The following MMP16 variants were observed in gnomAD, a reference collection of about 807,000 sequenced individuals.
MMP16 encodes matrix metalloproteinase-16.
A neutral mutation model predicts 67.8 loss-of-function variants in MMP16; 12 were observed. That is an observed-to-expected ratio of 0.18 (90% CI 0.11 to 0.29). MMP16 has a LOEUF of 0.29. Ranked by LOEUF, MMP16 falls within the 10% of genes least tolerant of loss-of-function variation. The pLI, the probability that MMP16 is intolerant of heterozygous loss-of-function variation, is 1.00. For synonymous variants in MMP16, 249 were observed against 255.9 expected (o/e 0.97, Z 0.26); for missense variants, 475 against 765.7 (o/e 0.62, Z 4.48).
chr8:88,299,231 C>A (rs922498519), intron 1 of MMP16, among the ~76,000 whole-genome samples: 2 of 152,142 alleles, frequency 1.3e-5, no homozygotes, highest in Admixed American at 1.3e-4. Flanking sequence ...ATGGCTGAAC[C>A]CTTCTGCTCA....
At chr8:88,188,309 G>A (rs573746036) in intron 2 of MMP16, among the ~76,000 whole-genome samples, 2 of 152,190 alleles carry the variant, frequency 1.3e-5, no homozygotes, top group South Asian at 4.1e-4. Flanking sequence ...TCCTAAGGTA[G>A]GTACTTATCT....
At chr8:88,122,935 C>A (rs1413750611) in intron 4 of MMP16, among the ~76,000 whole-genome samples, 2 of 151,314 alleles carry the variant, frequency 1.3e-5, no homozygotes, top group Non-Finnish European at 2.9e-5. Context: ...CCTCTACAGC[C>A]ATATGAGTTA....
chr8:88,310,827 G>T (rs758983911), intron 1 of MMP16, among the ~76,000 whole-genome samples: 1 of 152,092 alleles, frequency 6.6e-6, no homozygotes, highest in Non-Finnish European at 1.5e-5. Context: ...TTTTCTACTA[G>T]CAAGTATAAA....
chr8:88,085,103 A>G (rs1336953742), intron 6 of MMP16, among the ~76,000 whole-genome samples: 2 of 152,012 alleles, frequency 1.3e-5, no homozygotes, highest in South Asian at 2.1e-4. Context: ...ATTTCACACT[A>G]AATTTTGTTC....
At chr8:88,283,374 C>A (rs1810771909) in intron 1 of MMP16, among the ~76,000 whole-genome samples, 1 of 152,056 alleles carries the variant, frequency 6.6e-6, no homozygotes, top group Non-Finnish European at 1.5e-5. Flanking sequence ...CTGAAGCTGA[C>A]AGATGTGTAA....
At position 88,069,669 on chromosome 8, in the gene MMP16, T is replaced by C. The variant is rs142294658; in HGVS notation, c.1222+4936A>G. 367 of 347,750 alleles carry C rather than the reference T, an allele frequency of 1.1e-3. 3 individuals are homozygous for C. Among genetic ancestry groups the C allele is most frequent in the African/African-American group, 7.7e-3 (340 of 44,392 alleles). The allele number at this position is 347,750 out of a possible 1,614,324, so 21.5% of individuals were successfully genotyped here. On this transcript the variant is annotated intron_variant, in intron 7 of 9. Transcript: ENST00000286614. ...TTCTTGCAATGAGACTAATTTCATG[T>C]AAGGTGTCAACTCCTTTTAGTATCA...
intron 4 of MMP16, among the ~76,000 whole-genome samples, chr8:88,151,666 G>A (rs1160904148): frequency 1.3e-5 from 2 of 149,902 alleles, no homozygotes; most frequent in African/African-American, 4.9e-5. Flanking sequence ...TGAAACCAAC[G>A]AGAACAAAGA....
chr8:88,107,098 T>C (rs958266950), intron 6 of MMP16, among the ~76,000 whole-genome samples: 1 of 151,226 alleles, frequency 6.6e-6, no homozygotes, highest in Non-Finnish European at 1.5e-5. Context: ...TAGATTTTTT[T>C]CCCTGACTCT....
chr8:88,231,207 A>C (rs1809854338), intron 1 of MMP16, among the ~76,000 whole-genome samples: 1 of 152,204 alleles, frequency 6.6e-6, no homozygotes, highest in Non-Finnish European at 1.5e-5. Flanking sequence ...GAATCAATAA[A>C]GACCAGAAAG....
At chr8:88,110,307 G>T (rs1349374784) in intron 6 of MMP16, among the ~76,000 whole-genome samples, 2 of 151,432 alleles carry the variant, frequency 1.3e-5, no homozygotes, top group Admixed American at 6.6e-5. Context: ...ATTTCAAGGA[G>T]AAATTTTAAA....
intron 7 of MMP16, among the ~76,000 whole-genome samples, chr8:88,067,299 T>C (rs1808475767): frequency 6.6e-6 from 1 of 152,102 alleles, no homozygotes; most frequent in Admixed American, 6.6e-5. Context: ...TGGATATTCA[T>C]AATCAACATG....
Position 88,151,517 on chromosome 8 carries a change from C to T in MMP16, c.709+16152G>A, listed in dbSNP as rs1157966174. 7.6e-3 allele frequency among the ~76,000 whole-genome samples: 1,116 copies of T among 147,288 alleles called. 10 individuals carry two copies. The highest frequency in any genetic ancestry group is 0.027 in the African/African-American group (1,065 of 39,704). ...ACAGAAATTATAACAAACTATCTCT[C>T]AGACCACAGTGCAATCAAACTAGAA... On this transcript the variant is annotated intron_variant, in intron 4 of 9. Transcript: ENST00000286614.
At chr8:88,220,677 G>A (rs1240608721) in intron 1 of MMP16, among the ~76,000 whole-genome samples, 1 of 152,076 alleles carries the variant, frequency 6.6e-6, no homozygotes, top group Non-Finnish European at 1.5e-5. Context: ...TTATCTGTGA[G>A]GATGAAAGAA....
chr8:88,117,200 T>C (rs1000906585), intron 5 of MMP16, among the ~76,000 whole-genome samples: 11 of 152,188 alleles, frequency 7.2e-5, no homozygotes, highest in Non-Finnish European at 1.5e-4. Flanking sequence ...TCAAAACTAT[T>C]TGATATTCTT....
chr8:88,275,467 T>G (rs935862793), intron 1 of MMP16, among the ~76,000 whole-genome samples: 10 of 151,900 alleles, frequency 6.6e-5, no homozygotes, highest in African/African-American at 2.4e-4. Flanking sequence ...CAGGATCCCT[T>G]TCATCTTTTT....
chr8:88,295,644 T>G (rs1422188141), intron 1 of MMP16, among the ~76,000 whole-genome samples: 1 of 151,984 alleles, frequency 6.6e-6, no homozygotes, highest in Non-Finnish European at 1.5e-5. Context: ...GATTTTCAAG[T>G]GTCTTTTTTT....
intron 1 of MMP16, among the ~76,000 whole-genome samples, chr8:88,212,089 T>G (rs557372195): frequency 1.3e-5 from 2 of 152,298 alleles, no homozygotes; most frequent in Non-Finnish European, 2.9e-5. Flanking sequence ...CTAGTCTTCC[T>G]TGAAGTCTCT....
intron 1 of MMP16, among the ~76,000 whole-genome samples, chr8:88,296,029 CTACT>C (rs2130030384): frequency 6.7e-6 from 1 of 148,952 alleles, no homozygotes; most frequent in Non-Finnish European, 1.5e-5. Context: ...TATATTAATC[CTACT>C]TACTAACTGA....
At chr8:88,089,260 T>C (rs917223031) in intron 6 of MMP16, among the ~76,000 whole-genome samples, 1 of 151,920 alleles carries the variant, frequency 6.6e-6, no homozygotes, top group African/African-American at 2.4e-5. Context: ...ACTTTACGGG[T>C]TTTTCTTAAA....
Sources: allele counts gnomAD v4.1 joint callset (sites outside exome capture counted in the v4.1 genomes callset), GRCh38; gene constraint gnomAD v4.1.1; transcripts MANE v1.5; gene names NCBI Gene and HGNC (gene_info 2026-07-23, HGNC 2026-07-21).